Variants in MORC1 observed in about 807,000 individuals in gnomAD.
MORC1 encodes MORC family CW-type zinc finger 1, also known as MORC family CW-type zinc finger protein 1.
MORC1 carries 59 observed loss-of-function variants against 134.9 expected under a neutral mutation model. The ratio of observed to expected loss-of-function variants is 0.44; its 90% CI spans 0.35 to 0.54. The LOEUF (loss-of-function observed/expected upper bound fraction) is 0.54. Ranked by LOEUF, MORC1 falls within the 20% of genes least tolerant of loss-of-function variation. MORC1 has a pLI of 0.00. For synonymous variants in MORC1, 395 were observed against 391.7 expected, an observed-to-expected ratio of 1.01 and a Z score of -0.10; for missense variants, 947 against 1,134.5, an observed-to-expected ratio of 0.83 and a Z score of 2.37.
intron 8 of MORC1, among the ~76,000 whole-genome samples, chr3:109,083,738 G>A (rs1335470505): frequency 6.6e-6 from 1 of 152,100 alleles, no homozygotes; most frequent in African/African-American, 2.4e-5. Context: ...TGTCACTGAC[G>A]AACACAGATG....
At chr3:108,966,780 T>C (rs1947231217) in intron 26 of MORC1, among the ~76,000 whole-genome samples, 1 of 151,970 alleles carries the variant, frequency 6.6e-6, no homozygotes, top group Non-Finnish European at 1.5e-5. Flanking sequence ...TAGGAGTATT[T>C]TGGGGAATAT....
At chr3:109,076,363 T>G (rs1268101077) in intron 8 of MORC1, among the ~76,000 whole-genome samples, 2 of 152,148 alleles carry the variant, frequency 1.3e-5, no homozygotes, top group East Asian at 3.9e-4. Flanking sequence ...ATAGGAACAC[T>G]TTTACACTGT....
intron 14 of MORC1, among the ~76,000 whole-genome samples, chr3:109,038,676 A>G (rs1949437971): frequency 6.6e-6 from 1 of 152,102 alleles, no homozygotes; most frequent in Non-Finnish European, 1.5e-5. Flanking sequence ...TTTTCCCAGC[A>G]CTATTTATTA....
chr3:108,964,852 A>C (rs1947174883), intron 26 of MORC1, among the ~76,000 whole-genome samples: 1 of 152,200 alleles, frequency 6.6e-6, no homozygotes, highest in South Asian at 2.1e-4. Flanking sequence ...ACTCACAGCA[A>C]GGGAATTTCA....
chr3:109,101,402 C>G (rs1038051618), intron 4 of MORC1: 1 of 152,214 alleles, frequency 6.6e-6, no homozygotes, highest in African/African-American at 2.4e-5. Flanking sequence ...GAATTCTAGA[C>G]AGTAATCCTC....
At position 108,963,562 on chromosome 3, in the gene MORC1, T is replaced by A; in HGVS notation, c.2651A>T (p.Lys884Ile). The change falls in exon 27 of 28, where the codon AAA becomes ATA. Residue 884 changes from lysine (K) to isoleucine (I), a missense_variant. Lys to Ile is a moderately radical substitution (Grantham distance 102). Transcript: ENST00000232603. ...TGAATCATAGATAATGGACTGCAAT[T>A]TCCTCTTTATTTTTTTTTCATATTG... ...MVQYEKKIKR[K>I]LQSIIYDSNT... 6.3e-7 allele frequency: 1 copy of A among 1,592,816 alleles called. No homozygotes were observed.
intron 17 of MORC1, among the ~76,000 whole-genome samples, chr3:109,009,197 G>GTTTTTTTTT (rs201228015): frequency 7.5e-6 from 1 of 133,854 alleles, no homozygotes; most frequent in Non-Finnish European, 1.6e-5. Context: ...CTATTTTTAC[G>GTTTTTTTTT]TTTTTTGTTG....
At position 109,053,595 on chromosome 3, in the gene MORC1, A is replaced by T. The variant is rs567309732; in HGVS notation, c.1330+1133T>A. ...ACACTGGGTAAACATGAACATAAAGATGGAAACAATAGACACTGAGGAATA... is the reference window on the plus strand; with the variant it reads ...ACACTGGGTAAACATGAACATAAAGTTGGAAACAATAGACACTGAGGAATA... On this transcript the variant is annotated intron_variant, in intron 14 of 27. Coordinates refer to ENST00000232603, the MANE Select transcript of MORC1 (RefSeq NM_014429.4). Among the ~76,000 whole-genome samples the T allele has an allele frequency of 2.6e-5, 4 of 152,280 alleles. No individual in the cohort carries two copies. In the South Asian group the frequency reaches 8.3e-4, roughly 32 times the overall value.
intron 21 of MORC1, among the ~76,000 whole-genome samples, chr3:108,988,920 A>G (rs1202610084): frequency 6.6e-6 from 1 of 152,186 alleles, no homozygotes; most frequent in Non-Finnish European, 1.5e-5. Context: ...TCTTTCCCCA[A>G]AAATGTTACT....
intron 8 of MORC1, among the ~76,000 whole-genome samples, chr3:109,079,124 C>T (rs926738029): frequency 2.6e-5 from 4 of 151,946 alleles, no homozygotes; most frequent in Admixed American, 2.6e-4. Context: ...TTCTATGAGG[C>T]TACCATAATC....
chr3:108,970,459 C>G (rs34175112), intron 25 of MORC1, among the ~76,000 whole-genome samples: 5,507 of 152,050 alleles, frequency 0.036, 198 homozygotes, highest in Middle Eastern at 0.12. Flanking sequence ...AGTCATAGTT[C>G]AGCTGTGGAA....
intron 17 of MORC1, among the ~76,000 whole-genome samples, chr3:109,025,752 A>G (rs767277459): frequency 1.3e-5 from 2 of 152,148 alleles, no homozygotes; most frequent in Non-Finnish European, 2.9e-5. Context: ...TTGCAGTGTC[A>G]GTTACAATAA....
intron 8 of MORC1, among the ~76,000 whole-genome samples, chr3:109,075,182 C>T (rs1233122823): frequency 1.3e-5 from 2 of 152,136 alleles, no homozygotes; most frequent in East Asian, 3.8e-4. Context: ...GCTGATAGAT[C>T]ATGCCATTAT....
Position 109,063,147 on chromosome 3 carries a change from C to T in MORC1, c.895+5G>A, listed in dbSNP as rs958281557. 25 of 1,582,208 alleles carry T rather than the reference C, an allele frequency of 1.6e-5. No individual in the cohort carries two copies. In the Admixed American group the frequency reaches 3.3e-4, roughly 21 times the overall value. ...CAATGATGTAGGCTACAGGTAATCGCATACCAATCTTTACTGCTTCTTCTG... is the reference window on the plus strand; with the variant it reads ...CAATGATGTAGGCTACAGGTAATCGTATACCAATCTTTACTGCTTCTTCTG... On this transcript the variant is annotated splice_donor_5th_base_variant and intron_variant, in intron 10 of 27. Coordinates refer to ENST00000232603, the MANE Select transcript of MORC1 (RefSeq NM_014429.4).
At chr3:109,100,349 G>T in intron 5 of MORC1, 68 bp downstream of exon 5, 1 of 1,209,046 alleles carries the variant, frequency 8.3e-7, no homozygotes, top group Non-Finnish European at 1.2e-6. Flanking sequence ...ATCATTCTGT[G>T]TAAATTGCTT....
At chr3:109,032,890 A>C in intron 15 of MORC1, 65 bp from the exon 16 acceptor site, 1 of 1,029,686 alleles carries the variant, frequency 9.7e-7, no homozygotes, top group Non-Finnish European at 1.5e-6. Flanking sequence ...GTAAGATGTC[A>C]GTTTGCACAT....
At chr3:108,984,980 A>T (rs1947857452) in intron 22 of MORC1, among the ~76,000 whole-genome samples, 198 bp from the exon 23 acceptor site, 1 of 152,232 alleles carries the variant, frequency 6.6e-6, no homozygotes, top group African/African-American at 2.4e-5. Flanking sequence ...AATAAAGTTT[A>T]TGTAGTATAT....
chr3:109,032,413 A>T (rs1356243731), intron 16 of MORC1, among the ~76,000 whole-genome samples: 4 of 152,182 alleles, frequency 2.6e-5, no homozygotes, highest in Non-Finnish European at 5.9e-5. Context: ...CAATAAGGAC[A>T]TATGTTGTAT....
intron 4 of MORC1, among the ~76,000 whole-genome samples, chr3:109,103,078 G>T (rs899278427): frequency 6.6e-6 from 1 of 152,134 alleles, no homozygotes; most frequent in East Asian, 1.9e-4. Flanking sequence ...TGAGCATACT[G>T]ATGCATCCTT....
Sources: allele counts gnomAD v4.1 joint callset (sites outside exome capture counted in the v4.1 genomes callset), GRCh38; gene constraint gnomAD v4.1.1; transcripts MANE v1.5; gene names NCBI Gene and HGNC (gene_info 2026-07-23, HGNC 2026-07-21).